The following PLEKHH3 variants were observed in gnomAD, a reference collection of about 807,000 sequenced individuals.
PLEKHH3 encodes pleckstrin homology, MyTH4 and FERM domain containing H3.
A neutral mutation model predicts 77.8 loss-of-function variants in PLEKHH3; 57 were observed. The observed-to-expected ratio is 0.73, with a 90% CI of 0.59 to 0.91. The LOEUF (loss-of-function observed/expected upper bound fraction) is 0.91. Among genes scored for constraint, PLEKHH3 ranks in the 40% least tolerant of loss-of-function variants. PLEKHH3 has a pLI of 0.00. For missense variants in PLEKHH3, 1,082 were observed against 1,091.2 expected (o/e 0.99, Z 0.12); for synonymous variants, 467 against 504.8 (o/e 0.93, Z 1.00).
rs1367920047 is a variant in PLEKHH3, at chr17:42,676,391, C to G, written c.162+11G>C. The G allele has an allele frequency of 6.2e-7, 1 of 1,612,574 alleles. No homozygotes were observed. Among genetic ancestry groups the G allele is most frequent in the African/African-American group, 1.3e-5 (1 of 74,932 alleles). ...GTGATTGAGACGAGGCTCCGAACCC[C>G]CGGGACTTACCCTCCCGCCGCCCGC... On this transcript the variant is annotated intron_variant, in intron 1 of 12. Coordinates refer to ENST00000591022, the MANE Select transcript of PLEKHH3 (RefSeq NM_024927.5). This position sits in a 1 kb window ranked among gnomAD's most constrained non-coding sequence, Gnocchi z 6.6.
Position 42,671,302 on chromosome 17 carries a change from G to C in PLEKHH3, c.1284+49C>G. On this transcript the variant is annotated intron_variant, in intron 8 of 12. Transcript: ENST00000591022. The surrounding 1 kb of genome is among the most constrained non-coding windows in gnomAD (Gnocchi z 4.7). ...CAGGAAGAGGGAGAGACAGGCGTGAGAAGCTGGCAGGGTGGGTTGGAGGTC... is the reference window on the plus strand; with the variant it reads ...CAGGAAGAGGGAGAGACAGGCGTGACAAGCTGGCAGGGTGGGTTGGAGGTC... 6.3e-7 allele frequency: 1 copy of C among 1,592,648 alleles called. No individual in the cohort carries two copies.
In PLEKHH3 at chr17:42,670,375, G is replaced by A. The variant is rs1445502232; in HGVS notation, c.1556C>T (p.Ala519Val). ...GHELPFLFEQ[A>V]HALLLRGRPP... ...CCGGCCCCGCAGCAGCAGAGCGTGA[G>A]CCTGCAGGGGAGGCACCCGGCGTCA... Residue 519 changes from alanine to valine, a missense_variant and splice_region_variant, in exon 11 of 13, where the codon GCT (alanine) becomes GTT (valine). Coordinates refer to ENST00000591022, the MANE Select transcript of PLEKHH3 (RefSeq NM_024927.5). 2.8e-6 allele frequency: 4 copies of A among 1,433,630 alleles called. No homozygotes were observed. Among genetic ancestry groups the A allele is most frequent in the East Asian group, 2.7e-5 (1 of 36,854 alleles). The allele number at this position is 1,433,630 out of a possible 1,614,324, so 88.8% of individuals were successfully genotyped here.
rs1020907920 is a variant in PLEKHH3, at chr17:42,676,156, C to A, written c.162+246G>T. 8.7e-6 allele frequency: 12 copies of A among 1,372,916 alleles called. No individual in the cohort carries two copies. In the East Asian group the frequency reaches 3.1e-4, roughly 36 times the overall value. 85.0% of individuals were successfully genotyped at this position (1,372,916 alleles called of 1,614,324 possible). On this transcript the variant is annotated intron_variant, in intron 1 of 12. Transcript: ENST00000591022. This position sits in a 1 kb window ranked among gnomAD's most constrained non-coding sequence, Gnocchi z 6.6. Reference sequence around the variant, plus strand: ...GGGCCAGGTCGGGCCACGCGTGACGCCTCCCCTGCCTCAGGGCCCCCAGCA... The same window carrying A: ...GGGCCAGGTCGGGCCACGCGTGACGACTCCCCTGCCTCAGGGCCCCCAGCA...
In PLEKHH3 at chr17:42,676,015, A is replaced by T. The variant is rs1475068494; in HGVS notation, c.162+387T>A. The T allele has an allele frequency of 9.3e-7, 1 of 1,077,840 alleles. No homozygotes were observed. The highest frequency in any genetic ancestry group is 1.1e-6 in the Non-Finnish European group (1 of 888,694). The allele number at this position is 1,077,840 out of a possible 1,614,324, so 66.8% of individuals were successfully genotyped here. ...CTGGCCTCCGCACTTGCGAACTGGGAGCGGAGGGGGACCCAGGCGTTCGAG... is the reference window on the plus strand; with the variant it reads ...CTGGCCTCCGCACTTGCGAACTGGGTGCGGAGGGGGACCCAGGCGTTCGAG... On this transcript the variant is annotated intron_variant, in intron 1 of 12. Transcript: ENST00000591022. The surrounding 1 kb of genome is among the most constrained non-coding windows in gnomAD (Gnocchi z 6.6).
Position 42,676,464 on chromosome 17 carries a change from C to T in PLEKHH3, c.100G>A (p.Asp34Asn), listed in dbSNP as rs372564256. Residue 34 changes from aspartate to asparagine, a missense_variant, in exon 1 of 13, where the codon GAC (aspartate) becomes AAC (asparagine). Around this residue, in one of 3 missense-constraint regions of PLEKHH3, gnomAD observed 344 missense variants for 320.8 expected, o/e 1.07. Transcript: ENST00000591022. The surrounding 1 kb of genome is among the most constrained non-coding windows in gnomAD (Gnocchi z 6.6). ...AAGGTTTCCTCGTCCTCGTCCTCGT[C>T]CCCGTCCCCGCTAAGCTCGCCGTCC... is the stretch of plus-strand genomic sequence containing the variant. Reference protein sequence around the residue: ...YGDGELSGDGDEDEDEETFEL... With the variant: ...YGDGELSGDGNEDEDEETFEL... The T allele has an allele frequency of 4.0e-5, 64 of 1,612,918 alleles. No homozygotes were observed. The highest frequency in any genetic ancestry group is 5.2e-5 in the Non-Finnish European group (61 of 1,179,742).
Position 42,671,224 on chromosome 17 carries a change from C to T in PLEKHH3, c.1285-94G>A. On this transcript the variant is annotated intron_variant, in intron 8 of 12. Transcript: ENST00000591022. The surrounding 1 kb of genome is among the most constrained non-coding windows in gnomAD (Gnocchi z 4.7). ...TGGAAGGGGTCTCTTAGTCCTGTCA[C>T]CACCACTCCCTCCCTTACCAAAATA... 6.6e-7 allele frequency: 1 copy of T among 1,521,678 alleles called. No homozygotes were observed. Among genetic ancestry groups the T allele is most frequent in the African/African-American group, 1.4e-5 (1 of 72,592 alleles). The allele number at this position is 1,521,678 out of a possible 1,614,324, so 94.3% of individuals were successfully genotyped here.
chr17:42,669,870 G>A (rs2052644590), intron 11 of PLEKHH3, 48 bp downstream of exon 11: 1 of 1,603,620 alleles, frequency 6.2e-7, no homozygotes, highest in African/African-American at 1.3e-5. Flanking sequence ...TGGGGCAAAG[G>A]TGTGGGGCTT....
At position 42,674,000 on chromosome 17, in the gene PLEKHH3, C is replaced by T; in HGVS notation, c.232G>A (p.Glu78Lys). 1 of 1,613,202 alleles carries T rather than the reference C, an allele frequency of 6.2e-7. No individual in the cohort carries two copies. The highest frequency in any genetic ancestry group is 8.5e-7 in the Non-Finnish European group (1 of 1,179,874). ...GPVSNRLQSW[E>K]ETWSLIPEKG... ...TCCGGGATGAGGCTCCAAGTCTCCT[C>T]CCAGCTCTGCAGCCTGGGCCAGAGG... Residue 78 changes from glutamate (E) to lysine (K), a missense_variant, in exon 3 of 13, where the codon GAG becomes AAG. By Grantham distance (56) the Glu-to-Lys change is moderately conservative. Coordinates refer to ENST00000591022, the MANE Select transcript of PLEKHH3 (RefSeq NM_024927.5).
At position 42,673,159 on chromosome 17, in the gene PLEKHH3, GCCATGGGACCACTCACCTGGGGCGCTGA is replaced by G; in HGVS notation, c.758_769+16del. On this transcript the variant is annotated splice_donor_variant and splice_donor_5th_base_variant and coding_sequence_variant and intron_variant, in exon 6 of 13. Coordinates refer to ENST00000591022, the MANE Select transcript of PLEKHH3 (RefSeq NM_024927.5). LOFTEE classifies it high-confidence loss of function. Reference sequence around the variant, plus strand: ...ACCCCATCCCATCCAGGGGACTTGGGCCATGGGACCACTCACCTGGGGCGCTGACTCCATAGGGCAGGGGCAGGAGTGG... The same window carrying G: ...ACCCCATCCCATCCAGGGGACTTGGGCTCCATAGGGCAGGGGCAGGAGTGG... 1.3e-6 allele frequency: 2 copies of G among 1,506,436 alleles called. No homozygotes were observed. The highest frequency in any genetic ancestry group is 8.8e-7 in the Non-Finnish European group (1 of 1,130,110). 93.3% of individuals were successfully genotyped at this position (1,506,436 alleles called of 1,614,324 possible). A position where few individuals can be genotyped will look rare whatever the true frequency, so the allele number is the denominator to read the frequency against.
rs772754678 is a variant in PLEKHH3, at chr17:42,676,590, G to T, written c.-27C>A. 9.2e-5 allele frequency: 142 copies of T among 1,543,910 alleles called. No individual in the cohort carries two copies. The highest frequency in any genetic ancestry group is 1.2e-4 in the Non-Finnish European group (140 of 1,146,698). Reference sequence around the variant, plus strand: ...CGGGCGAGGAGCTGCGGATGGGGGCGCGGGCAGCCGCGGCCGAGCAGTAGG... The same window carrying T: ...CGGGCGAGGAGCTGCGGATGGGGGCTCGGGCAGCCGCGGCCGAGCAGTAGG... On this transcript the variant is annotated 5_prime_UTR_variant, in exon 1 of 13. Transcript: ENST00000591022. The surrounding 1 kb of genome is among the most constrained non-coding windows in gnomAD (Gnocchi z 6.6).
In PLEKHH3 at chr17:42,670,165, C is replaced by A; in HGVS notation, c.1766G>T (p.Gly589Val). 1 of 1,228,632 alleles carries A rather than the reference C, an allele frequency of 8.1e-7. No homozygotes were observed. Among genetic ancestry groups the A allele is most frequent in the Non-Finnish European group, 1.0e-6 (1 of 988,764 alleles). The allele number at this position is 1,228,632 out of a possible 1,614,324, so 76.1% of individuals were successfully genotyped here. The change falls in exon 11 of 13, where the codon GGG (glycine) becomes GTG (valine). Residue 589 changes from glycine (G) to valine (V), a missense_variant. This residue lies in a region of PLEKHH3 where 733 missense variants were observed against 750.0 expected (regional missense o/e 0.98). Coordinates refer to ENST00000591022, the MANE Select transcript of PLEKHH3 (RefSeq NM_024927.5). ...RPPPSAALLA[G>V]ALWSPGLAKR... ...GGCCAGGCCCGGGCTCCAGAGCGCC[C>A]CGGCCAGCAGGGCAGCGGAAGGGGG... is the stretch of plus-strand genomic sequence containing the variant.
At position 42,676,056 on chromosome 17, in the gene PLEKHH3, C is replaced by T. The variant is rs1597796374; in HGVS notation, c.162+346G>A. ...GGCGTTCGAGCCGCCCAGCCGGCCT[C>T]GCCACATTCCTCGGCGCTGGCGGAG... is the stretch of plus-strand genomic sequence containing the variant. On this transcript the variant is annotated intron_variant, in intron 1 of 12. Transcript: ENST00000591022. This position sits in a 1 kb window ranked among gnomAD's most constrained non-coding sequence, Gnocchi z 6.6. The T allele has an allele frequency of 1.7e-6, 2 of 1,156,294 alleles. No individual in the cohort carries two copies. The highest frequency in any genetic ancestry group is 1.1e-6 in the Non-Finnish European group (1 of 937,296). 71.6% of individuals were successfully genotyped at this position (1,156,294 alleles called of 1,614,324 possible). A position where few individuals can be genotyped will look rare whatever the true frequency, so the allele number is the denominator to read the frequency against.
At position 42,676,356 on chromosome 17, in the gene PLEKHH3, T is replaced by G. The variant is rs751232765; in HGVS notation, c.162+46A>C. On this transcript the variant is annotated intron_variant, in intron 1 of 12. Transcript: ENST00000591022. This position sits in a 1 kb window ranked among gnomAD's most constrained non-coding sequence, Gnocchi z 6.6. ...GGAGCGGATCAGCGTGACGGCCGGTTACAGCGAGAGTGATTGAGACGAGGC... is the reference window on the plus strand; with the variant it reads ...GGAGCGGATCAGCGTGACGGCCGGTGACAGCGAGAGTGATTGAGACGAGGC... 1 of 1,605,626 alleles carries G rather than the reference T, an allele frequency of 6.2e-7. No individual in the cohort carries two copies. Among genetic ancestry groups the G allele is most frequent in the South Asian group, 1.1e-5 (1 of 90,836 alleles).
chr17:42,676,125 G>A lies in PLEKHH3; in HGVS notation c.162+277C>T. 2 of 1,305,092 alleles carry A rather than the reference G, an allele frequency of 1.5e-6. No individual in the cohort carries two copies. The highest frequency in any genetic ancestry group is 1.9e-6 in the Non-Finnish European group (2 of 1,028,062). 80.8% of individuals were successfully genotyped at this position (1,305,092 alleles called of 1,614,324 possible). ...GGACGCGGGCCCAGCGGGGAAGGGA[G>A]AGGCAGGGCCAGGTCGGGCCACGCG... On this transcript the variant is annotated intron_variant, in intron 1 of 12. Coordinates refer to ENST00000591022, the MANE Select transcript of PLEKHH3 (RefSeq NM_024927.5). The surrounding 1 kb of genome is among the most constrained non-coding windows in gnomAD (Gnocchi z 6.6).
At chr17:42,673,365 G>T in intron 5 of PLEKHH3, 34 bp downstream of exon 5, 1 of 1,611,380 alleles carries the variant, frequency 6.2e-7, no homozygotes, top group Non-Finnish European at 8.5e-7. Context: ...AAGCTTTGGG[G>T]TCCACCACTC....
chr17:42,669,947 C>T lies in PLEKHH3; in HGVS notation c.1984G>A (p.Ala662Thr). Reference sequence around the variant, plus strand: ...CTCAGCTCCAGAACGTCATACCGAGCAGCGCCGAACCCCGGACACTGCGCC... The same window carrying T: ...CTCAGCTCCAGAACGTCATACCGAGTAGCGCCGAACCCCGGACACTGCGCC... The part of the protein sequence containing the change: ...LAAQCPGFGA[A>T]RYDVLELSTE... The change falls in exon 11 of 13, where the codon GCT becomes ACT. Residue 662 changes from alanine (A) to threonine (T), a missense_variant. Physicochemically the swap from Ala to Thr is moderately conservative, Grantham distance 58. Transcript: ENST00000591022. The T allele has an allele frequency of 1.9e-6, 3 of 1,613,404 alleles. No homozygotes were observed. The highest frequency in any genetic ancestry group is 3.3e-4 in the Middle Eastern group (2 of 6,062).
rs144962202 is a variant in PLEKHH3, at chr17:42,671,972, A to G, written c.1076+114T>C. ...AGGATCTTGTATCTCCCACAAAGGC[A>G]CTGTATGTATTACTCGGTTCTTTAC... On this transcript the variant is annotated intron_variant, in intron 7 of 12. Coordinates refer to ENST00000591022, the MANE Select transcript of PLEKHH3 (RefSeq NM_024927.5). The surrounding 1 kb of genome is among the most constrained non-coding windows in gnomAD (Gnocchi z 4.7). 6.1e-4 allele frequency: 521 copies of G among 858,270 alleles called. 3 individuals are homozygous for G. The African/African-American group carries it at 8.4e-3, about 14-fold the overall frequency. The allele number at this position is 858,270 out of a possible 1,614,324, so 53.2% of individuals were successfully genotyped here.
At position 42,671,460 on chromosome 17, in the gene PLEKHH3, A is replaced by C; in HGVS notation, c.1175T>G (p.Leu392Arg). The part of the protein sequence containing the change: ...RTRGRELVPS[L>R]AEISALSQRQ... ...TTGGCTCAACGCGGAAATCTCCGCCAGCGAGGGCACCAGCTCTCTGCCGCG... is the reference window on the plus strand; with the variant it reads ...TTGGCTCAACGCGGAAATCTCCGCCCGCGAGGGCACCAGCTCTCTGCCGCG... Residue 392 changes from leucine to arginine, a missense_variant, in exon 8 of 13, where the codon CTG (leucine) becomes CGG (arginine). This residue lies in a region of PLEKHH3 where 733 missense variants were observed against 750.0 expected (regional missense o/e 0.98). Transcript: ENST00000591022. This position sits in a 1 kb window ranked among gnomAD's most constrained non-coding sequence, Gnocchi z 4.7. 1.9e-6 allele frequency: 3 copies of C among 1,613,180 alleles called. No homozygotes were observed. The highest frequency in any genetic ancestry group is 1.1e-5 in the South Asian group (1 of 91,082).
chr17:42,669,655 A>C, intron 11 of PLEKHH3, 34 bp from the exon 12 acceptor site: 1 of 1,581,852 alleles, frequency 6.3e-7, no homozygotes, highest in African/African-American at 1.3e-5. Flanking sequence ...GGGTGGAAGG[A>C]GGAGCCCAGC....
Sources: gnomAD v4.1 joint callset for allele counts on GRCh38, gnomAD v4.1.1 for gene constraint, gnomAD v4.1.1 regional missense constraint, Gnocchi (gnomAD v3.1) non-coding constraint, MANE v1.5 for transcripts, NCBI Gene and HGNC (gene_info 2026-07-23, HGNC 2026-07-21) for gene names.